Variants in PCDH9 observed in about 807,000 individuals in gnomAD.
PCDH9 encodes protocadherin-9.
PCDH9 carries 24 observed loss-of-function variants against 70.6 expected under a neutral mutation model. The ratio of observed to expected loss-of-function variants is 0.34; its 90% CI spans 0.25 to 0.48. The LOEUF (loss-of-function observed/expected upper bound fraction) is 0.48. PCDH9 is among the 20% of genes least tolerant of loss of function. The pLI is 0.99. For synonymous variants in PCDH9, 562 were observed against 558.5 expected (o/e 1.01, Z -0.09); for missense variants, 1,281 against 1,503.6 (o/e 0.85, Z 2.45).
At chr13:66,851,784 T>C (rs2081318912) in intron 3 of PCDH9, among the ~76,000 whole-genome samples, 1 of 152,196 alleles carries the variant, frequency 6.6e-6, no homozygotes, top group Non-Finnish European at 1.5e-5. Flanking sequence ...GTTAAAACTC[T>C]TTTCTTGGTC....
At chr13:66,460,347 C>G (rs1346323315) in intron 4 of PCDH9, among the ~76,000 whole-genome samples, 1 of 151,830 alleles carries the variant, frequency 6.6e-6, no homozygotes, top group Non-Finnish European at 1.5e-5. Flanking sequence ...CCAGAAGTAA[C>G]TTTAACAAGA....
chr13:66,484,115 C>A (rs1237978648), intron 4 of PCDH9, among the ~76,000 whole-genome samples: 2 of 152,158 alleles, frequency 1.3e-5, no homozygotes, highest in Non-Finnish European at 2.9e-5. Flanking sequence ...TACAATCTTG[C>A]ATTTATTCTC....
intron 4 of PCDH9, among the ~76,000 whole-genome samples, chr13:66,613,642 C>G (rs966163476): frequency 6.6e-6 from 1 of 152,096 alleles, no homozygotes; most frequent in Non-Finnish European, 1.5e-5. Flanking sequence ...GGGGATGAGC[C>G]CTCTCAGGTT....
chr13:66,992,933 A>G (rs993343030), intron 2 of PCDH9, among the ~76,000 whole-genome samples: 1 of 151,988 alleles, frequency 6.6e-6, no homozygotes, highest in Admixed American at 6.6e-5. Context: ...TGAATGGACT[A>G]CATCTAAAAT....
intron 2 of PCDH9, among the ~76,000 whole-genome samples, chr13:67,080,617 A>T (rs929893339): frequency 3.9e-5 from 6 of 152,204 alleles, no homozygotes; most frequent in African/African-American, 1.4e-4. Flanking sequence ...GGTAACTATG[A>T]CTGATTTGTG....
At chr13:66,651,433 A>G (rs2138991526) in intron 3 of PCDH9, among the ~76,000 whole-genome samples, 1 of 152,062 alleles carries the variant, frequency 6.6e-6, no homozygotes, top group Non-Finnish European at 1.5e-5. Flanking sequence ...GACACATACA[A>G]CCTACAAAGA....
At chr13:66,493,989 T>C (rs774290850) in intron 4 of PCDH9, among the ~76,000 whole-genome samples, 81 of 152,268 alleles carry the variant, frequency 5.3e-4, no homozygotes, top group Non-Finnish European at 7.6e-4. Flanking sequence ...ACCATGATTA[T>C]GTTGAATAAC....
At position 66,516,384 on chromosome 13, in the gene PCDH9, A is replaced by G. The variant is rs1181126665; in HGVS notation, c.3340+114826T>C. Among the ~76,000 whole-genome samples, 5 of 152,148 alleles carry G rather than the reference A, an allele frequency of 3.3e-5. No homozygotes were observed. In the East Asian group the frequency reaches 5.8e-4, roughly 18 times the overall value. Reference sequence around the variant, plus strand: ...TTGGCCTTCATTTTTATGTTATTCTATCTTGCTATGTAAACACAGAAAAGC... The same window carrying G: ...TTGGCCTTCATTTTTATGTTATTCTGTCTTGCTATGTAAACACAGAAAAGC... On this transcript the variant is annotated intron_variant, in intron 4 of 4. Coordinates refer to ENST00000377865, the MANE Select transcript of PCDH9 (RefSeq NM_203487.3).
intron 2 of PCDH9, among the ~76,000 whole-genome samples, chr13:66,977,237 A>T (rs1386451510): frequency 6.6e-6 from 1 of 152,114 alleles, no homozygotes; most frequent in Admixed American, 6.6e-5. Flanking sequence ...GATCTCGTCT[A>T]ATTTTCAAAG....
intron 4 of PCDH9, among the ~76,000 whole-genome samples, chr13:66,333,590 CTT>C (rs982320402): frequency 3.9e-5 from 6 of 152,188 alleles, no homozygotes; most frequent in Admixed American, 3.9e-4. Flanking sequence ...TTTTGTTTCT[CTT>C]TTTCTTTTGT....
intron 4 of PCDH9, among the ~76,000 whole-genome samples, chr13:66,373,970 C>T (rs1267199268): frequency 1.3e-5 from 2 of 152,012 alleles, no homozygotes; most frequent in South Asian, 2.1e-4. Flanking sequence ...TAGTGTTTTG[C>T]GTACAAGAAA....
chr13:67,111,935 A>C (rs2086666560), intron 2 of PCDH9, among the ~76,000 whole-genome samples: 1 of 152,186 alleles, frequency 6.6e-6, no homozygotes, highest in South Asian at 2.1e-4. Context: ...AATTCACACA[A>C]AAGTTTAGAT....
chr13:66,656,953 A>G (rs1228394816), intron 3 of PCDH9, among the ~76,000 whole-genome samples: 1 of 152,198 alleles, frequency 6.6e-6, no homozygotes, highest in Non-Finnish European at 1.5e-5. Context: ...AGTATAAAGC[A>G]GAAATAGCTC....
chr13:66,751,277 A>G (rs1487958742), intron 3 of PCDH9, among the ~76,000 whole-genome samples: 3 of 152,100 alleles, frequency 2.0e-5, no homozygotes, highest in South Asian at 4.1e-4. Flanking sequence ...TCTATCTCCT[A>G]TTTCTTTTTG....
chr13:66,913,811 A>G lies in PCDH9; in HGVS notation c.3037-10206T>C, dbSNP rs142420847. On this transcript the variant is annotated intron_variant, in intron 2 of 4. Transcript: ENST00000377865. The stretch of plus-strand genomic sequence containing the variant: ...AACTTCACCATGGCTTTAGTTATAC[A>G]TTTGCTTATCTCATTGATATCTCTG... Among the ~76,000 whole-genome samples, 48 of 152,068 alleles carry G rather than the reference A, an allele frequency of 3.2e-4. 1 individual carries two copies. In the East Asian group the frequency reaches 9.1e-3, roughly 29 times the overall value.
chr13:67,159,924 T>G (rs1350249032), intron 2 of PCDH9, among the ~76,000 whole-genome samples: 1 of 152,144 alleles, frequency 6.6e-6, no homozygotes, highest in Non-Finnish European at 1.5e-5. Flanking sequence ...ATTATTTTTT[T>G]GCATAGTCGC....
chr13:67,218,502 T>C (rs932895888), intron 2 of PCDH9: 2 of 152,076 alleles, frequency 1.3e-5, no homozygotes, highest in Admixed American at 6.6e-5. Flanking sequence ...GAGTGTTTCT[T>C]AATCAACTGC....
intron 3 of PCDH9, among the ~76,000 whole-genome samples, chr13:66,841,689 C>G (rs954484118): frequency 1.3e-5 from 2 of 152,128 alleles, no homozygotes; most frequent in Admixed American, 1.3e-4. Context: ...ATAACAATAT[C>G]AAATATAATA....
chr13:67,165,530 C>A (rs1431960648), intron 2 of PCDH9, among the ~76,000 whole-genome samples: 1 of 151,898 alleles, frequency 6.6e-6, no homozygotes, highest in African/African-American at 2.4e-5. Context: ...TATAAGTGGT[C>A]AAGACTGTCC....
Sources: allele counts gnomAD v4.1 joint callset (sites outside exome capture counted in the v4.1 genomes callset), GRCh38; gene constraint gnomAD v4.1.1; transcripts MANE v1.5; gene names NCBI Gene and HGNC (gene_info 2026-07-23, HGNC 2026-07-21).